The following ILDR1 variants were observed in gnomAD, a reference collection of about 807,000 sequenced individuals.
The protein encoded by ILDR1 is immunoglobulin like domain containing receptor 1.
ILDR1 carries 56 observed loss-of-function variants against 62.4 expected under a neutral mutation model. The ratio of observed to expected loss-of-function variants is 0.90; its 90% confidence interval spans 0.72 to 1.12. ILDR1 has a LOEUF of 1.12. Among genes scored for constraint, ILDR1 ranks in the 50% most tolerant of loss-of-function variants. The pLI is 0.00. For missense variants in ILDR1, 736 were observed against 710.6 expected (o/e 1.04, Z -0.41); for synonymous variants, 284 against 277.8 (o/e 1.02, Z -0.22).
the ILDR1 span, among the ~76,000 whole-genome samples, chr3:122,061,237 T>C: frequency 6.6e-6 from 1 of 152,120 alleles, no homozygotes; most frequent in Non-Finnish European, 1.5e-5. Flanking sequence ...CACCCCAATA[T>C]TACAACTATT....
At chr3:122,005,418 T>C (rs2071593188) in intron 2 of ILDR1, 25 bp from the exon 3 acceptor site, 6 of 1,613,692 alleles carry the variant, frequency 3.7e-6, no homozygotes, top group Non-Finnish European at 5.1e-6. Flanking sequence ...CACACTAGAG[T>C]CACACAGCAA....
intron 5 of ILDR1, among the ~76,000 whole-genome samples, chr3:122,000,316 G>C (rs1281720430): frequency 6.6e-6 from 1 of 151,516 alleles, no homozygotes; most frequent in Non-Finnish European, 1.5e-5. Flanking sequence ...AGAGGGGAGA[G>C]TGGCTGAAGG....
At chr3:122,021,782 C>G (rs571650274) in intron 1 of ILDR1, among the ~76,000 whole-genome samples, 1 of 152,338 alleles carries the variant, frequency 6.6e-6, no homozygotes, top group South Asian at 2.1e-4. Flanking sequence ...TTCAAAGGCT[C>G]CAGGTTTCTC....
At chr3:122,033,885 T>C in the ILDR1 span, among the ~76,000 whole-genome samples, 5 of 152,374 alleles carry the variant, frequency 3.3e-5, no homozygotes, top group Non-Finnish European at 5.9e-5. Flanking sequence ...CTATTATGAC[T>C]CTACAAAAGT....
the ILDR1 span, among the ~76,000 whole-genome samples, chr3:122,030,164 C>A: frequency 2.6e-5 from 4 of 152,144 alleles, no homozygotes. Context: ...CCATGCACAG[C>A]CTAAGAATCT....
At chr3:122,022,253 G>A (rs1003078093), upstream of ILDR1, 7 of 538,122 alleles carry the variant, frequency 1.3e-5, no homozygotes, top group Admixed American at 3.7e-5. Context: ...CGCCCGGCTC[G>A]TCCCCACCTG....
chr3:122,017,040 T>C (rs946788740), intron 1 of ILDR1, among the ~76,000 whole-genome samples: 1 of 152,144 alleles, frequency 6.6e-6, no homozygotes, highest in Admixed American at 6.5e-5. Context: ...GTCTTCTCAA[T>C]TCTTTATTTT....
the ILDR1 span, among the ~76,000 whole-genome samples, chr3:122,031,770 T>C: frequency 6.6e-6 from 1 of 152,332 alleles, no homozygotes; most frequent in East Asian, 1.9e-4. Context: ...CCTTCAGAAC[T>C]ATGAGAAACA....
rs201919360 is a variant in ILDR1, at chr3:121,993,853, G to A, written c.896C>T (p.Ala299Val). ...LEKELRNLNLAQPLPPDLKGR... is the reference protein window; with the variant it reads ...LEKELRNLNLVQPLPPDLKGR... Reference sequence around the variant, plus strand: ...TTTGAGGTCAGGGGGCAGAGGCTGGGCCAGGTTGAGGTTCCGCAGTTCTTT... The same window carrying A: ...TTTGAGGTCAGGGGGCAGAGGCTGGACCAGGTTGAGGTTCCGCAGTTCTTT... Residue 299 changes from alanine to valine, a missense_variant, in exon 7 of 8, where the codon GCC becomes GTC. Ala to Val is a moderately conservative substitution (Grantham distance 64). Coordinates refer to ENST00000344209, the MANE Select transcript of ILDR1 (RefSeq NM_001199799.2). The A allele has an allele frequency of 1.2e-6, 2 of 1,614,154 alleles. No individual in the cohort carries two copies. Among genetic ancestry groups the A allele is most frequent in the East Asian group, 2.2e-5 (1 of 44,876 alleles).
At chr3:122,028,487 A>G in the ILDR1 span, among the ~76,000 whole-genome samples, 2 of 152,226 alleles carry the variant, frequency 1.3e-5, no homozygotes, top group African/African-American at 2.4e-5. Context: ...TAACCAAAAG[A>G]CTACATAAAA....
At chr3:122,041,104 C>T in the ILDR1 span, among the ~76,000 whole-genome samples, 1 of 152,118 alleles carries the variant, frequency 6.6e-6, no homozygotes, top group Non-Finnish European at 1.5e-5. Flanking sequence ...GGGTCAAAAA[C>T]CTTAACAGAC....
At chr3:122,048,088 T>C in the ILDR1 span, among the ~76,000 whole-genome samples, 619 of 152,388 alleles carry the variant, frequency 4.1e-3, no homozygotes, top group East Asian at 0.017. Context: ...AGTGGGATTT[T>C]CACATATCCC....
In ILDR1 at chr3:121,988,407, T is replaced by C; in HGVS notation, c.1601A>G (p.Glu534Gly). The change falls in exon 8 of 8, where the codon GAG (glutamate) becomes GGG (glycine). Residue 534 changes from glutamate (E) to glycine (G), a missense_variant and splice_region_variant. Coordinates refer to ENST00000344209, the MANE Select transcript of ILDR1 (RefSeq NM_001199799.2). ...CCTTCCACTATGAGAGCTGTCTTTCTCCTGGGAAATAGAAGAATACACACA... is the reference window on the plus strand; with the variant it reads ...CCTTCCACTATGAGAGCTGTCTTTCCCCTGGGAAATAGAAGAATACACACA... ...RKKGSVERRSEKDSSHSGRSV... is the reference protein window; with the variant it reads ...RKKGSVERRSGKDSSHSGRSV... 6.2e-7 allele frequency: 1 copy of C among 1,613,220 alleles called. No individual in the cohort carries two copies. Among genetic ancestry groups the C allele is most frequent in the Non-Finnish European group, 8.5e-7 (1 of 1,179,230 alleles).
the ILDR1 span, among the ~76,000 whole-genome samples, chr3:122,040,831 T>C: frequency 6.7e-6 from 1 of 149,142 alleles, no homozygotes; most frequent in Admixed American, 6.7e-5. Context: ...AAAGAAAATA[T>C]AGATGACCTT....
At chr3:122,061,480 C>T in the ILDR1 span, among the ~76,000 whole-genome samples, 1 of 152,052 alleles carries the variant, frequency 6.6e-6, no homozygotes, top group Non-Finnish European at 1.5e-5. Flanking sequence ...AATTCAAACA[C>T]CAATGAGATA....
upstream of ILDR1, among the ~76,000 whole-genome samples, chr3:122,022,993 G>A (rs1398645902): frequency 6.6e-6 from 1 of 150,510 alleles, no homozygotes; most frequent in African/African-American, 2.4e-5. Flanking sequence ...AACTAGAGAA[G>A]TTGACTCAAG....
chr3:121,988,463 A>G, intron 7 of ILDR1, 55 bp from the exon 8 acceptor site: 1 of 1,401,276 alleles, frequency 7.1e-7, no homozygotes, highest in South Asian at 1.2e-5. Flanking sequence ...CAATCCGTCT[A>G]TGCATGTAAC....
At chr3:122,031,233 G>A in the ILDR1 span, among the ~76,000 whole-genome samples, 22 of 152,150 alleles carry the variant, frequency 1.4e-4, no homozygotes, top group Non-Finnish European at 2.4e-4. Context: ...TTTATTTGTA[G>A]CACCAGGGAG....
chr3:122,022,245 CCCGGCTCGTCCCCACCTGCGGCG>C (rs2071870439), exon 1 of ILDR1: 4 of 561,568 alleles, frequency 7.1e-6, no homozygotes, highest in South Asian at 9.7e-5. Context: ...GCAGGTGCCG[CCCGGCTCGTCCCCACCTGCGGCG>C]CTCCCCACGG....
Sources: allele counts gnomAD v4.1 joint callset (sites outside exome capture counted in the v4.1 genomes callset), GRCh38; gene constraint gnomAD v4.1.1; transcripts MANE v1.5; gene names NCBI Gene and HGNC (gene_info 2026-07-23, HGNC 2026-07-21).